Variants in ABCC9 observed in about 807,000 individuals in gnomAD.
ABCC9 encodes the protein ATP-binding cassette sub-family C member 9.
ABCC9 carries 95 observed loss-of-function variants against 188.3 expected under a neutral mutation model. The ratio of observed to expected loss-of-function variants is 0.50; its 90% CI spans 0.43 to 0.60. ABCC9 has a LOEUF of 0.60. ABCC9 is among the 20% of genes least tolerant of loss of function. ABCC9 has a pLI of 0.00. For synonymous variants in ABCC9, 659 were observed against 652.7 expected (o/e 1.01, Z -0.15); for missense variants, 1,102 against 1,876.3 (o/e 0.59, Z 7.62).
At chr12:21,802,226 G>A (rs1055561300) in intron 39 of ABCC9, among the ~76,000 whole-genome samples, 6 of 152,116 alleles carry the variant, frequency 3.9e-5, no homozygotes, top group African/African-American at 7.2e-5. Context: ...AGGGTGATGA[G>A]GTTCAAATGA....
rs994667153 is a variant in ABCC9, at chr12:21,860,391, C to T, written c.2424+580G>A. 3.3e-5 allele frequency among the ~76,000 whole-genome samples: 5 copies of T among 152,266 alleles called. No homozygotes were observed. In the East Asian group the frequency reaches 7.7e-4, roughly 24 times the overall value. ...CCTCTCTCAGCCTTGATTTTTGCAG[C>T]TTCATATGCAGATAACGATAACACC... On this transcript the variant is annotated intron_variant, in intron 21 of 39. Coordinates refer to ENST00000261200, the MANE Select transcript of ABCC9 (RefSeq NM_020297.4).
chr12:21,888,205 C>A (rs1427743046), intron 14 of ABCC9, among the ~76,000 whole-genome samples: 1 of 152,068 alleles, frequency 6.6e-6, no homozygotes, highest in African/African-American at 2.4e-5. Context: ...TTCAACAGAA[C>A]CTTCTTTGCA....
intron 31 of ABCC9, chr12:21,827,437 AT>A (rs1943444182): frequency 6.0e-6 from 2 of 331,570 alleles, no homozygotes; most frequent in Admixed American, 6.5e-5. Context: ...AACTGCTAAC[AT>A]TTCTCCCTTA....
Position 21,852,051 on chromosome 12 carries a change from C to T in ABCC9, c.2769+46G>A, listed in dbSNP as rs148744980. On this transcript the variant is annotated intron_variant, in intron 24 of 39. Coordinates refer to ENST00000261200, the MANE Select transcript of ABCC9 (RefSeq NM_020297.4). Reference sequence around the variant, plus strand: ...TTCTTAGTAATTAGTAAATTTCTAACTCTTCTGAATTGGGCTCTGAACTCT... The same window carrying T: ...TTCTTAGTAATTAGTAAATTTCTAATTCTTCTGAATTGGGCTCTGAACTCT... 3.9e-4 allele frequency: 627 copies of T among 1,609,958 alleles called. 4 individuals carry two copies. In the African/African-American group the frequency reaches 7.2e-3, roughly 19 times the overall value.
At chr12:21,870,747 CA>C (rs1946029089) in intron 18 of ABCC9, among the ~76,000 whole-genome samples, 1 of 151,594 alleles carries the variant, frequency 6.6e-6, no homozygotes, top group South Asian at 2.1e-4. Context: ...ATTATTTAAA[CA>C]ATATTTAAAA....
chr12:21,915,514 A>ATTTTTTTT (rs71053356), intron 7 of ABCC9, among the ~76,000 whole-genome samples, 154 bp downstream of exon 7: 4 of 3,520 alleles, frequency 1.1e-3, no homozygotes, highest in African/African-American at 2.2e-3. Flanking sequence ...ATATATATAT[A>ATTTTTTTT]TTTTTTTTTT....
At chr12:21,891,376 G>A (rs775000426) in intron 14 of ABCC9, among the ~76,000 whole-genome samples, 2 of 146,434 alleles carry the variant, frequency 1.4e-5, no homozygotes, top group Non-Finnish European at 2.9e-5. Context: ...TTAGATAATA[G>A]TTACTTTTCA....
intron 20 of ABCC9, 134 bp downstream of exon 20, chr12:21,862,819 G>T: frequency 1.5e-6 from 1 of 664,018 alleles, no homozygotes; most frequent in Non-Finnish European, 2.7e-6. Flanking sequence ...AGACCTTGGT[G>T]ATGAGGATGA....
In ABCC9 at chr12:21,912,870, A is replaced by T. The variant is rs1255279459; in HGVS notation, c.1011+2T>A. On this transcript the variant is annotated splice_donor_variant, in intron 8 of 39. Coordinates refer to ENST00000261200, the MANE Select transcript of ABCC9 (RefSeq NM_020297.4). LOFTEE classifies it high-confidence loss of function. ...TTCCATTGAAAATCACCAGGAACTTACTCCAGTTGTGTTATTTGTCCCATT... is the reference window on the plus strand; with the variant it reads ...TTCCATTGAAAATCACCAGGAACTTTCTCCAGTTGTGTTATTTGTCCCATT... The T allele has an allele frequency of 1.2e-6, 2 of 1,612,804 alleles. No individual in the cohort carries two copies. Among genetic ancestry groups the T allele is most frequent in the Non-Finnish European group, 8.5e-7 (1 of 1,178,998 alleles).
intron 4 of ABCC9, among the ~76,000 whole-genome samples, chr12:21,929,838 TA>T (rs1340963186): frequency 1.4e-4 from 21 of 152,186 alleles, no homozygotes; most frequent in African/African-American, 2.7e-4. Context: ...TATATATACA[TA>T]TTTTTTTATT....
chr12:21,929,920 G>T (rs1949207383), intron 4 of ABCC9, among the ~76,000 whole-genome samples: 1 of 151,862 alleles, frequency 6.6e-6, no homozygotes, highest in Admixed American at 6.6e-5. Context: ...TGCCATGTTG[G>T]TGTGCTGCAC....
intron 21 of ABCC9, 126 bp from the exon 22 acceptor site, chr12:21,859,792 G>A (rs1485349335): frequency 1.2e-6 from 1 of 832,372 alleles, no homozygotes; most frequent in African/African-American, 1.7e-5. Context: ...TAATTAAATT[G>A]TAGTAACATT....
intron 5 of ABCC9, 32 bp from the exon 6 acceptor site, chr12:21,917,135 C>A: frequency 1.2e-6 from 2 of 1,603,790 alleles, no homozygotes; most frequent in African/African-American, 2.7e-5. Flanking sequence ...GAGAAAGATG[C>A]AATCTTTTCT....
chr12:21,850,682 T>C (rs1383041523), intron 24 of ABCC9, among the ~76,000 whole-genome samples: 1 of 152,204 alleles, frequency 6.6e-6, no homozygotes, highest in Admixed American at 6.6e-5. Context: ...TTTCTAGTTC[T>C]TCTTTCCAAA....
At chr12:21,817,908 A>C (rs934402954) in intron 32 of ABCC9, among the ~76,000 whole-genome samples, 1 of 152,122 alleles carries the variant, frequency 6.6e-6, no homozygotes, top group African/African-American at 2.4e-5. Context: ...TCTTCTAAAA[A>C]AAATGGATAC....
At chr12:21,884,342 G>A (rs993146623) in intron 15 of ABCC9, among the ~76,000 whole-genome samples, 2 of 151,902 alleles carry the variant, frequency 1.3e-5, no homozygotes, top group African/African-American at 2.4e-5. Context: ...CGAAGTGCTG[G>A]GACTATAGGT....
chr12:21,844,755 C>T lies in ABCC9; in HGVS notation c.3245+12G>A, dbSNP rs2137387582. Reference sequence around the variant, plus strand: ...TTTTATGTGTGGGAGTGAGAAATAACCACTGTTTTACCTTATTGGTCCAAG... The same window carrying T: ...TTTTATGTGTGGGAGTGAGAAATAATCACTGTTTTACCTTATTGGTCCAAG... On this transcript the variant is annotated intron_variant, in intron 27 of 39. Transcript: ENST00000261200. 2 of 1,613,662 alleles carry T rather than the reference C, an allele frequency of 1.2e-6. No homozygotes were observed. The highest frequency in any genetic ancestry group is 3.3e-5 in the Admixed American group (2 of 60,006).
chr12:21,829,282 A>G (rs1233463305), intron 30 of ABCC9, among the ~76,000 whole-genome samples: 4 of 141,584 alleles, frequency 2.8e-5, no homozygotes, highest in Admixed American at 2.3e-4. Context: ...GCTCACTGCA[A>G]GCTCCGCCTC....
chr12:21,829,257 A>G (rs11613400), intron 30 of ABCC9, among the ~76,000 whole-genome samples, 197 bp from the exon 31 acceptor site: 1 of 121,206 alleles, frequency 8.3e-6, no homozygotes, highest in Non-Finnish European at 1.6e-5. Flanking sequence ...GCTGGAGTGC[A>G]GTGGCGCGAT....
Sources: gnomAD v4.1 joint callset for allele counts (sites outside exome capture counted in the v4.1 genomes callset) on GRCh38, gnomAD v4.1.1 for gene constraint, MANE v1.5 for transcripts, NCBI Gene and HGNC (gene_info 2026-07-23, HGNC 2026-07-21) for gene names.